Variants in BTN3A3 observed in about 807,000 individuals in gnomAD.
BTN3A3 encodes the protein butyrophilin 3.
In BTN3A3, 39 loss-of-function variants were observed where a neutral mutation model predicts 43.2. That is an observed-to-expected ratio of 0.90 (90% CI 0.70 to 1.18). The LOEUF (loss-of-function observed/expected upper bound fraction) is 1.18. BTN3A3 is among the 50% of genes most tolerant of loss of function. The pLI is 0.00. For synonymous variants in BTN3A3, 255 were observed against 272.7 expected, an observed-to-expected ratio of 0.93 and a Z score of 0.64; for missense variants, 631 against 722.8, an observed-to-expected ratio of 0.87 and a Z score of 1.46.
intron 1 of BTN3A3, 167 bp downstream of exon 1, chr6:26,440,815 T>TGTGTGTGC (rs1491452891): frequency 3.6e-5 from 5 of 139,148 alleles, no homozygotes; most frequent in African/African-American, 1.3e-4. Context: ...TGTGTGTGTG[T>TGTGTGTGC]GCGTGTGTGC....
chr6:26,444,247 T>C lies in BTN3A3; in HGVS notation c.376T>C (p.Cys126Arg), dbSNP rs1370749496. Residue 126 changes from cysteine (C) to arginine (R), a missense_variant, in exon 4 of 11, where the codon TGT becomes CGT. Physicochemically the swap from Cys to Arg is radical, Grantham distance 180 (BLOSUM62 -3). Coordinates refer to ENST00000244519, the MANE Select transcript of BTN3A3 (RefSeq NM_006994.5). Reference protein sequence around the residue: ...VTASDSGKYLCYFQDGDFYEK... With the variant: ...VTASDSGKYLRYFQDGDFYEK... ...AGCCTCTGACAGTGGAAAGTACTTG[T>C]GTTATTTCCAAGATGGTGACTTCTA... is the stretch of plus-strand genomic sequence containing the variant. The C allele has an allele frequency of 5.0e-6, 8 of 1,611,940 alleles. No homozygotes were observed. Among genetic ancestry groups the C allele is most frequent in the Admixed American group, 3.3e-5 (2 of 60,000 alleles).
chr6:26,449,751 C>A (rs1224500026), intron 9 of BTN3A3, 63 bp downstream of exon 9: 1 of 1,587,610 alleles, frequency 6.3e-7, no homozygotes, highest in Non-Finnish European at 8.6e-7. Flanking sequence ...TCAACTTTTT[C>A]TCTGCTGTGA....
intron 1 of BTN3A3, among the ~76,000 whole-genome samples, chr6:26,441,339 A>G (rs963371467): frequency 2.0e-5 from 3 of 152,202 alleles, no homozygotes; most frequent in African/African-American, 7.2e-5. Flanking sequence ...AACCCAATAT[A>G]TGTGTTTCAA....
chr6:26,450,463 T>C (rs1762899204), intron 10 of BTN3A3, among the ~76,000 whole-genome samples: 1 of 152,152 alleles, frequency 6.6e-6, no homozygotes, highest in Non-Finnish European at 1.5e-5. Flanking sequence ...GAGGAGGTGA[T>C]GCCTGCCCAA....
At chr6:26,450,584 G>T (rs1267699220) in intron 10 of BTN3A3, among the ~76,000 whole-genome samples, 1 of 152,178 alleles carries the variant, frequency 6.6e-6, no homozygotes. Context: ...ATTGCAATCT[G>T]TGTTTTGTGG....
chr6:26,443,381 G>C lies in BTN3A3; in HGVS notation c.-66-1G>C. ...TCAGATAACAGATATTATTTTTACA[G>C]ATGGTTTTCCATACTGGAACCCAAA... On this transcript the variant is annotated splice_acceptor_variant, in intron 1 of 10. Transcript: ENST00000244519. LOFTEE classifies it low-confidence loss of function (5UTR_SPLICE). The C allele has an allele frequency of 7.6e-7, 1 of 1,314,346 alleles. No homozygotes were observed. Among genetic ancestry groups the C allele is most frequent in the Non-Finnish European group, 1.0e-6 (1 of 987,940 alleles). 81.4% of individuals were successfully genotyped at this position (1,314,346 alleles called of 1,614,324 possible).
chr6:26,449,622 G>C, intron 8 of BTN3A3, 40 bp from the exon 9 acceptor site: 1 of 1,613,108 alleles, frequency 6.2e-7, no homozygotes, highest in East Asian at 2.2e-5. Flanking sequence ...CAGAGCAAAG[G>C]CAGTGTTCAG....
In BTN3A3 at chr6:26,452,282, T is replaced by C; in HGVS notation, c.1626T>C (p.Asn542=). ...CACCACTGACCCCGGGCTTAGCTAA[T>C]GAAAGTGGGGAGCCTCAGGCTGAAG... ...LETPLTPGLA[N]ESGEPQAEVT... The change falls in exon 11 of 11, where the codon AAT becomes AAC. Residue 542 remains asparagine, a synonymous_variant. Transcript: ENST00000244519. 5 of 1,614,046 alleles carry C rather than the reference T, an allele frequency of 3.1e-6. No homozygotes were observed. Among genetic ancestry groups the C allele is most frequent in the Non-Finnish European group, 4.2e-6 (5 of 1,179,998 alleles).
Position 26,451,655 on chromosome 6 carries a change from C to T in BTN3A3, c.1019-20C>T. 2 of 1,595,050 alleles carry T rather than the reference C, an allele frequency of 1.3e-6. No individual in the cohort carries two copies. Among genetic ancestry groups the T allele is most frequent in the Non-Finnish European group, 1.7e-6 (2 of 1,169,836 alleles). On this transcript the variant is annotated intron_variant, in intron 10 of 10. Transcript: ENST00000244519. ...GGAAAAATGGCTGACCCCATGGACA[C>T]CTCCTCAAACTCTCTGCAGCGGATG...
Position 26,448,347 on chromosome 6 carries a change from G to A in BTN3A3, c.815G>A (p.Arg272Lys), listed in dbSNP as rs146453476. ...GCAGGAGCCAGTTACTTCTTGTGGA[G>A]ACAACAGAAGGAAAAAATTGCTCTG... ...LLAGASYFLWRQQKEKIALSR... is the reference protein window; with the variant it reads ...LLAGASYFLWKQQKEKIALSR... Residue 272 changes from arginine to lysine, a missense_variant, in exon 6 of 11, where the codon AGA (arginine) becomes AAA (lysine). Arg to Lys is a conservative substitution (Grantham distance 26, BLOSUM62 2). Coordinates refer to ENST00000244519, the MANE Select transcript of BTN3A3 (RefSeq NM_006994.5). 3 of 1,613,756 alleles carry A rather than the reference G, an allele frequency of 1.9e-6. No homozygotes were observed. Among genetic ancestry groups the A allele is most frequent in the African/African-American group, 2.7e-5 (2 of 74,796 alleles).
At chr6:26,451,086 G>C (rs1762917868) in intron 10 of BTN3A3, among the ~76,000 whole-genome samples, 1 of 152,258 alleles carries the variant, frequency 6.6e-6, no homozygotes, top group Admixed American at 6.5e-5. Flanking sequence ...GAGTGAATCT[G>C]GGGCCCCTCA....
Position 26,452,506 on chromosome 6 carries a change from G to A in BTN3A3, c.*95G>A. 1.8e-6 allele frequency: 2 copies of A among 1,121,510 alleles called. No individual in the cohort carries two copies. The highest frequency in any genetic ancestry group is 1.2e-6 in the Non-Finnish European group (1 of 810,738). 69.5% of individuals were successfully genotyped at this position (1,121,510 alleles called of 1,614,324 possible). ...TAAGGAAACTGGGGTGCAGAAAGGTGAATTAACTTTACAAAGTAGACATGA... is the reference window on the plus strand; with the variant it reads ...TAAGGAAACTGGGGTGCAGAAAGGTAAATTAACTTTACAAAGTAGACATGA... On this transcript the variant is annotated 3_prime_UTR_variant, in exon 11 of 11. Coordinates refer to ENST00000244519, the MANE Select transcript of BTN3A3 (RefSeq NM_006994.5).
In BTN3A3 at chr6:26,445,765, G is replaced by C; in HGVS notation, c.495G>C (p.Glu165Asp). 6.2e-7 allele frequency: 1 copy of C among 1,614,222 alleles called. No individual in the cohort carries two copies. Among genetic ancestry groups the C allele is most frequent in the South Asian group, 1.1e-5 (1 of 91,084 alleles). ...ATGAGGATGGAGGGATCCATCTGGA[G>C]TGCAGGTCCACTGGCTGGTACCCCC... Reference protein sequence around the residue: ...KGYEDGGIHLECRSTGWYPQP... With the variant: ...KGYEDGGIHLDCRSTGWYPQP... The change falls in exon 5 of 11, where the codon GAG (glutamate) becomes GAC (aspartate). Residue 165 changes from glutamate to aspartate, a missense_variant. Around this residue, in one of 2 missense-constraint regions of BTN3A3, gnomAD observed 551 missense variants for 584.0 expected, o/e 0.94. Transcript: ENST00000244519.
chr6:26,444,391 C>T (rs1762719470), intron 4 of BTN3A3, 87 bp downstream of exon 4: 1 of 1,592,282 alleles, frequency 6.3e-7, no homozygotes, highest in African/African-American at 1.3e-5. Context: ...ACTGCAGACA[C>T]TCCTGGCTGC....
In BTN3A3 at chr6:26,452,523, T is replaced by A. The variant is rs1705097945; in HGVS notation, c.*112T>A. 1.1e-6 allele frequency: 1 copy of A among 928,444 alleles called. No homozygotes were observed. Among genetic ancestry groups the A allele is most frequent in the African/African-American group, 1.7e-5 (1 of 59,798 alleles). The allele number at this position is 928,444 out of a possible 1,614,324, so 57.5% of individuals were successfully genotyped here. A position where few individuals can be genotyped will look rare whatever the true frequency, so the allele number is the denominator to read the frequency against. On this transcript the variant is annotated 3_prime_UTR_variant, in exon 11 of 11. Transcript: ENST00000244519. The stretch of plus-strand genomic sequence containing the variant: ...AGAAAGGTGAATTAACTTTACAAAG[T>A]AGACATGACAAGTGAACAGCAGAGC...
rs936253765 is a variant in BTN3A3 at position 26,450,333 on chromosome 6, T to G, written c.1018+200T>G. 3 of 616,338 alleles carry G rather than the reference T, an allele frequency of 4.9e-6. No homozygotes were observed. In the African/African-American group the frequency reaches 5.6e-5, roughly 12 times the overall value. 38.2% of individuals were successfully genotyped at this position (616,338 alleles called of 1,614,324 possible). ...GAGAGCCCAGGGAACCAGGGAGAAT[T>G]GCTCTCTTGGGCTTCCTCAGACCTT... On this transcript the variant is annotated intron_variant, in intron 10 of 10. Coordinates refer to ENST00000244519, the MANE Select transcript of BTN3A3 (RefSeq NM_006994.5).
Position 26,444,685 on chromosome 6 carries a change from A to T in BTN3A3, c.433+381A>T. On this transcript the variant is annotated intron_variant, in intron 4 of 10. Transcript: ENST00000244519. ...GTTACCGTGGGTCCTGGGAGGTGGA[A>T]TGGTGACTGTATCTGCTGCCAGTGT... 5.4e-6 allele frequency: 2 copies of T among 367,846 alleles called. 1 individual carries two copies. Among genetic ancestry groups the T allele is most frequent in the South Asian group, 5.7e-5 (2 of 35,180 alleles). The allele number at this position is 367,846 out of a possible 1,614,324, so 22.8% of individuals were successfully genotyped here.
In BTN3A3 at chr6:26,448,265, G is replaced by A. The variant is rs151329283; in HGVS notation, c.733G>A (p.Ala245Thr). Residue 245 changes from alanine to threonine, a missense_variant, in exon 6 of 11, where the codon GCC becomes ACC. By Grantham distance (58) the Ala-to-Thr change is moderately conservative. This residue lies in a region of BTN3A3 where 551 missense variants were observed against 584.0 expected (regional missense o/e 0.94). Coordinates refer to ENST00000244519, the MANE Select transcript of BTN3A3 (RefSeq NM_006994.5). Reference protein sequence around the residue: ...ISIADPFFRSAQPWIAALAGT... With the variant: ...ISIADPFFRSTQPWIAALAGT... Reference sequence around the variant, plus strand: ...CTTCGCAGACCCCTTCTTCAGGAGCGCCCAGCCCTGGATCGCGGCCCTGGC... The same window carrying A: ...CTTCGCAGACCCCTTCTTCAGGAGCACCCAGCCCTGGATCGCGGCCCTGGC... 9.9e-5 allele frequency: 159 copies of A among 1,613,404 alleles called. No homozygotes were observed. The highest frequency in any genetic ancestry group is 9.0e-4 in the Admixed American group (54 of 59,918).
At chr6:26,451,620 C>T in intron 10 of BTN3A3, 55 bp from the exon 11 acceptor site, 2 of 1,565,370 alleles carry the variant, frequency 1.3e-6, no homozygotes, top group Non-Finnish European at 1.7e-6. Flanking sequence ...TGCTGAGGCT[C>T]TGAAATCCAG....
Sources: gnomAD v4.1 joint callset for allele counts (sites outside exome capture counted in the v4.1 genomes callset) on GRCh38, gnomAD v4.1.1 for gene constraint, gnomAD v4.1.1 regional missense constraint, MANE v1.5 for transcripts, NCBI Gene and HGNC (gene_info 2026-07-23, HGNC 2026-07-21) for gene names.